The following UNKL variants were observed in gnomAD, a reference collection of about 807,000 sequenced individuals.
UNKL encodes unk like zinc finger, also known as putative E3 ubiquitin-protein ligase UNKL.
A neutral mutation model predicts 78.0 loss-of-function variants in UNKL; 60 were observed. The ratio of observed to expected loss-of-function variants is 0.77; its 90% CI spans 0.63 to 0.95. UNKL has a LOEUF of 0.95. UNKL is among the 40% of genes least tolerant of loss of function. UNKL has a pLI of 0.00. For synonymous variants in UNKL, 608 were observed against 474.8 expected, an observed-to-expected ratio of 1.28 and a Z score of -3.65; for missense variants, 1,159 against 1,045.7, an observed-to-expected ratio of 1.11 and a Z score of -1.49.
intron 9 of UNKL, among the ~76,000 whole-genome samples, chr16:1,390,050 G>A (rs747563981): frequency 3.3e-5 from 5 of 152,118 alleles, no homozygotes; most frequent in South Asian, 2.1e-4. Context: ...GCAGTGGCAC[G>A]ATCTCGGCTC....
chr16:1,399,380 T>A lies in UNKL; in HGVS notation c.728A>T (p.Gln243Leu). ...RDRRRNPRRF[Q>L]YRSTPCPSVK... ...CACGGTCCCGCAGGCTCACCTGTAC[T>A]GGAACCGCCGGGGGTTGCGCCGCCT... The change falls in exon 5 of 15, where the codon CAG becomes CTG. Residue 243 changes from glutamine (Q) to leucine (L), a missense_variant. Physicochemically the swap from Gln to Leu is moderately radical, Grantham distance 113. Coordinates refer to ENST00000389221, the MANE Select transcript of UNKL (RefSeq NM_001372107.1). This position sits in a 1 kb window ranked among gnomAD's most constrained non-coding sequence, Gnocchi z 5.8. The A allele has an allele frequency of 6.3e-7, 1 of 1,595,784 alleles. No homozygotes were observed. The highest frequency in any genetic ancestry group is 8.5e-7 in the Non-Finnish European group (1 of 1,170,374).
Position 1,385,397 on chromosome 16 carries a change from CAT to C in UNKL, c.1087-14_1087-13del. 2 of 1,357,960 alleles carry C rather than the reference CAT, an allele frequency of 1.5e-6. No homozygotes were observed. Among genetic ancestry groups the C allele is most frequent in the Non-Finnish European group, 1.9e-6 (2 of 1,056,140 alleles). The allele number at this position is 1,357,960 out of a possible 1,614,324, so 84.1% of individuals were successfully genotyped here. On this transcript the variant is annotated splice_polypyrimidine_tract_variant and intron_variant, in intron 9 of 14. Transcript: ENST00000389221. ...ACGGCCAGGTGGTTCTGTTCAAAGA[CAT>C]AAACACCGTGAGCGCGCACCCCCTG...
At chr16:1,375,011 C>A (rs547083310) in intron 10 of UNKL, among the ~76,000 whole-genome samples, 3 of 152,218 alleles carry the variant, frequency 2.0e-5, no homozygotes, top group South Asian at 2.1e-4. Flanking sequence ...CCCAGGCCTC[C>A]GCTTCTCCTC....
intron 5 of UNKL, chr16:1,398,984 C>G (rs1166218967): frequency 2.0e-6 from 3 of 1,483,882 alleles, no homozygotes; most frequent in South Asian, 1.3e-5. Context: ...AGTGCCTGAG[C>G]CCCTGGCAGC....
chr16:1,385,534 T>A, intron 9 of UNKL, 149 bp from the exon 10 acceptor site: 1 of 758,756 alleles, frequency 1.3e-6, no homozygotes, highest in Non-Finnish European at 1.8e-6. Context: ...CCGGAGGGAC[T>A]CTGACCGCAC....
chr16:1,370,471 GGGGGGTGGGAATATA>G, intron 11 of UNKL, 114 bp from the exon 12 acceptor site: 2 of 1,440,512 alleles, frequency 1.4e-6, no homozygotes, highest in Non-Finnish European at 1.8e-6. Context: ...GTGGGGATAT[GGGGGGTGGGAATATA>G]GGGGCCAGGC....
At chr16:1,368,603 C>T (rs1318775707) in intron 12 of UNKL, among the ~76,000 whole-genome samples, 1 of 80,734 alleles carries the variant, frequency 1.2e-5, no homozygotes, top group African/African-American at 5.2e-5. Context: ...AATGAGACTC[C>T]GTCTCAAAAA....
chr16:1,390,222 G>C (rs1359145264), intron 9 of UNKL, among the ~76,000 whole-genome samples: 1 of 152,116 alleles, frequency 6.6e-6, no homozygotes, highest in Non-Finnish European at 1.5e-5. Flanking sequence ...TCCTGACCTC[G>C]TGATCCGCCC....
Position 1,399,263 on chromosome 16 carries a change from G to A in UNKL, c.734+111C>T. On this transcript the variant is annotated intron_variant, in intron 5 of 14. Coordinates refer to ENST00000389221, the MANE Select transcript of UNKL (RefSeq NM_001372107.1). The surrounding 1 kb of genome is among the most constrained non-coding windows in gnomAD (Gnocchi z 5.8). ...ATGCCCTCCCCTCCCGGGGATGATG[G>A]TGCCACAAGGGCAGCCCTCCCATTA... 2.1e-6 allele frequency: 3 copies of A among 1,414,616 alleles called. No individual in the cohort carries two copies. Among genetic ancestry groups the A allele is most frequent in the Non-Finnish European group, 1.8e-6 (2 of 1,082,392 alleles). 87.6% of individuals were successfully genotyped at this position (1,414,616 alleles called of 1,614,324 possible). A position where few individuals can be genotyped will look rare whatever the true frequency, so the allele number is the denominator to read the frequency against.
chr16:1,410,575 C>G (rs1247617375), intron 2 of UNKL, among the ~76,000 whole-genome samples: 1 of 152,236 alleles, frequency 6.6e-6, no homozygotes, highest in Non-Finnish European at 1.5e-5. Context: ...CCACTGCACT[C>G]CAGCCTGGGT....
intron 2 of UNKL, among the ~76,000 whole-genome samples, chr16:1,405,733 A>ACCGACCCC (rs1463931075): frequency 6.6e-6 from 1 of 151,818 alleles, no homozygotes; most frequent in African/African-American, 2.4e-5. Context: ...GGTGACAAAC[A>ACCGACCCC]CGGTTCTCAA....
At chr16:1,371,979 G>C (rs962154036) in intron 10 of UNKL, among the ~76,000 whole-genome samples, 2 of 152,150 alleles carry the variant, frequency 1.3e-5, no homozygotes, top group African/African-American at 4.8e-5. Flanking sequence ...TTCCAGGGCC[G>C]GGTGCGGTGG....
chr16:1,385,982 G>C (rs2036797790), intron 9 of UNKL, among the ~76,000 whole-genome samples: 1 of 152,244 alleles, frequency 6.6e-6, no homozygotes, highest in South Asian at 2.1e-4. Flanking sequence ...AAAAGAAAAA[G>C]AGCAACACAC....
Position 1,384,330 on chromosome 16 carries a change from C to A in UNKL, c.1264+878G>T, listed in dbSNP as rs553601090. 6.6e-5 allele frequency among the ~76,000 whole-genome samples: 10 copies of A among 152,098 alleles called. No homozygotes were observed. The South Asian group carries it at 1.5e-3, about 22-fold the overall frequency. On this transcript the variant is annotated intron_variant, in intron 10 of 14. Transcript: ENST00000389221. ...AGGACACACACAGCCCAGCTCCTGG[C>A]ACTGTCTTGCCCCCAGCTCTGCCTG...
At chr16:1,369,272 G>A (rs1482752213) in intron 12 of UNKL, among the ~76,000 whole-genome samples, 1 of 150,740 alleles carries the variant, frequency 6.6e-6, no homozygotes, top group African/African-American at 2.4e-5. Flanking sequence ...GTTTCACCAT[G>A]TTGGCCAGGA....
chr16:1,394,176 C>T lies in UNKL; in HGVS notation c.892G>A (p.Gly298Arg), dbSNP rs1020268276. The change falls in exon 7 of 15, where the codon GGG becomes AGG. Residue 298 changes from glycine (G) to arginine (R), a missense_variant. Coordinates refer to ENST00000389221, the MANE Select transcript of UNKL (RefSeq NM_001372107.1). ...STKCNDMRQT[G>R]YCPRGPFCAF... is the part of the protein sequence containing the mutation. ...CAGAAGGGGCCGCGCGGGCAGTACC[C>T]GGTTTGGCGCATGTCGTTGCATTTT... The T allele has an allele frequency of 6.4e-7, 1 of 1,550,594 alleles. No homozygotes were observed. The highest frequency in any genetic ancestry group is 1.4e-5 in the African/African-American group (1 of 73,056).
At chr16:1,368,762 G>A (rs972414873) in intron 12 of UNKL, among the ~76,000 whole-genome samples, 3 of 151,922 alleles carry the variant, frequency 2.0e-5, no homozygotes, top group Non-Finnish European at 2.9e-5. Context: ...TTAGCCTGGC[G>A]TGGTAGCAGG....
chr16:1,404,745 G>A (rs2037672155), intron 2 of UNKL, among the ~76,000 whole-genome samples: 1 of 152,202 alleles, frequency 6.6e-6, no homozygotes, highest in African/African-American at 2.4e-5. Flanking sequence ...TAAGGAAAGC[G>A]CGGGCTTCCA....
At chr16:1,411,397 T>C (rs537117907) in intron 2 of UNKL, among the ~76,000 whole-genome samples, 1 of 151,968 alleles carries the variant, frequency 6.6e-6, no homozygotes, top group East Asian at 1.9e-4. Flanking sequence ...CCAGGAGTGA[T>C]AGAGCACTCC....
Sources: gnomAD v4.1 joint callset for allele counts (sites outside exome capture counted in the v4.1 genomes callset) on GRCh38, gnomAD v4.1.1 for gene constraint, Gnocchi (gnomAD v3.1) non-coding constraint, MANE v1.5 for transcripts, NCBI Gene and HGNC (gene_info 2026-07-23, HGNC 2026-07-21) for gene names.